Variants in DIP2C observed in about 807,000 individuals in gnomAD.
The protein encoded by DIP2C is DIP2 acetate--CoA ligase C (putative).
Under a neutral mutation model 192.4 loss-of-function variants are expected in DIP2C, and 33 were observed. That is an observed-to-expected ratio of 0.17 (90% confidence interval 0.13 to 0.23). DIP2C has a LOEUF of 0.23. DIP2C is among the 10% of genes least tolerant of loss of function. The probability of loss-of-function intolerance (pLI) is 1.00; values close to 1 mark genes in which losing one functional copy is unlikely to be tolerated. For missense variants in DIP2C, 1,537 were observed against 2,110.1 expected, an observed-to-expected ratio of 0.73 and a Z score of 5.32; for synonymous variants, 979 against 864.1, an observed-to-expected ratio of 1.13 and a Z score of -2.33.
At chr10:588,939 A>ACC (rs1007116294) in intron 1 of DIP2C, among the ~76,000 whole-genome samples, 1 of 152,206 alleles carries the variant, frequency 6.6e-6, no homozygotes, top group African/African-American at 2.4e-5. Flanking sequence ...AGCCGTCTGC[A>ACC]CCATGCTGAA....
At chr10:662,268 A>AAAGG in intron 1 of DIP2C, 2 of 614,514 alleles carry the variant, frequency 3.3e-6, no homozygotes, top group Non-Finnish European at 5.8e-6. Flanking sequence ...TGAGGTACCT[A>AAAGG]TGCACTTTCC....
chr10:311,397 G>T, intron 31 of DIP2C: 1 of 723,472 alleles, frequency 1.4e-6, no homozygotes, highest in Non-Finnish European at 1.9e-6. Flanking sequence ...TGCCCGGCCG[G>T]CAGCACCCAT....
At position 477,892 on chromosome 10, in the gene DIP2C, AAGGAAAAGAGAGGGAAAGAAAAGAC is replaced by A. The variant is rs1461141932; in HGVS notation, c.158-5368_158-5344del. Among the ~76,000 whole-genome samples the A allele has an allele frequency of 4.2e-3, 553 of 132,456 alleles. 3 individuals are homozygous for A. The highest frequency in any genetic ancestry group is 5.0e-3 in the African/African-American group (172 of 34,098). 86.9% of individuals were successfully genotyped at this position (132,456 alleles called of 152,430 possible). ...GAGAGAAGAAAACGAGAGAGAAGAA[AAGGAAAAGAGAGGGAAAGAAAAGAC>A]AGGAAAAGAGAGGGAAAGAAGGAAG... On this transcript the variant is annotated intron_variant, in intron 2 of 36. Coordinates refer to ENST00000280886, the MANE Select transcript of DIP2C (RefSeq NM_014974.3).
At chr10:525,472 C>T (rs1478772382) in intron 1 of DIP2C, among the ~76,000 whole-genome samples, 1 of 152,166 alleles carries the variant, frequency 6.6e-6, no homozygotes, top group Non-Finnish European at 1.5e-5. Flanking sequence ...GCAAAGTCTA[C>T]GGCACTTCTC....
rs181592701 is a variant in DIP2C, at chr10:435,728, G to A, written c.394+5143C>T. 2.0e-3 allele frequency among the ~76,000 whole-genome samples: 298 copies of A among 152,266 alleles called. 1 individual carries two copies. Among genetic ancestry groups the A allele is most frequent in the Middle Eastern group, 0.01 (3 of 294 alleles). ...GACAATTCTCAAGATTATCACGTAT[G>A]GAACCTGAAACTCCCCAACTCCATT... On this transcript the variant is annotated intron_variant, in intron 4 of 36. Transcript: ENST00000280886.
chr10:639,822 C>T (rs1033577817), intron 1 of DIP2C, among the ~76,000 whole-genome samples: 3 of 152,342 alleles, frequency 2.0e-5, no homozygotes, highest in South Asian at 4.1e-4. Context: ...ATCACTAGAA[C>T]GTGTTTTGGA....
chr10:609,914 G>C (rs963917644), intron 1 of DIP2C, among the ~76,000 whole-genome samples: 3 of 152,146 alleles, frequency 2.0e-5, no homozygotes, highest in African/African-American at 7.2e-5. Context: ...GTTCTTCCTA[G>C]TGGAAGCGAG....
intron 31 of DIP2C, among the ~76,000 whole-genome samples, chr10:313,390 A>C (rs1956640940): frequency 6.6e-6 from 1 of 152,252 alleles, no homozygotes; most frequent in Non-Finnish European, 1.5e-5. Flanking sequence ...ATCCAGTTAT[A>C]TAATAAAAAT....
At chr10:536,155 C>T (rs1159553217) in intron 1 of DIP2C, among the ~76,000 whole-genome samples, 1 of 152,242 alleles carries the variant, frequency 6.6e-6, no homozygotes, top group Non-Finnish European at 1.5e-5. Context: ...GGGATCCTTG[C>T]TACCTCCTCC....
intron 17 of DIP2C, chr10:370,133 G>A (rs1960789724): frequency 1.3e-6 from 1 of 773,716 alleles, no homozygotes; most frequent in Non-Finnish European, 1.6e-6. Context: ...CTGGGCGTAT[G>A]CCCAATTTTA....
intron 32 of DIP2C, among the ~76,000 whole-genome samples, chr10:296,535 T>G (rs1332490837): frequency 6.6e-6 from 1 of 152,306 alleles, no homozygotes; most frequent in Middle Eastern, 3.4e-3. Flanking sequence ...ATCCCATTAC[T>G]GGGTATATAC....
rs563024932 is a variant in DIP2C at position 448,321 on chromosome 10, T to C, written c.269-7325A>G. Among the ~76,000 whole-genome samples the C allele has an allele frequency of 3.3e-4, 41 of 122,592 alleles. 1 individual carries two copies. The highest frequency in any genetic ancestry group is 5.1e-4 in the Non-Finnish European group (31 of 60,412). The allele number at this position is 122,592 out of a possible 152,430, so 80.4% of individuals were successfully genotyped here. ...GGGTCAGCAGGACCCACTCACCCCATTGATATTCAGGATCACACACAGTGG... is the reference window on the plus strand; with the variant it reads ...GGGTCAGCAGGACCCACTCACCCCACTGATATTCAGGATCACACACAGTGG... On this transcript the variant is annotated intron_variant, in intron 3 of 36. Transcript: ENST00000280886.
intron 1 of DIP2C, among the ~76,000 whole-genome samples, chr10:674,867 T>G (rs7913152): frequency 5.5e-5 from 8 of 144,492 alleles, no homozygotes; most frequent in Admixed American, 4.8e-4. Flanking sequence ...AAACCCCACT[T>G]TCAGCACTGG....
intron 1 of DIP2C, chr10:649,982 G>A: frequency 1.6e-6 from 1 of 629,236 alleles, no homozygotes; most frequent in South Asian, 1.9e-5. Context: ...TGTAAGCAGT[G>A]TTTGCCGTCC....
Position 283,396 on chromosome 10 carries a change from T to C in DIP2C, c.4170A>G (p.Gly1390=), listed in dbSNP as rs777113194. ...HNASGYFTIY[G]DESLQSDHFN... is the part of the protein sequence containing the mutation. ...AGTGATCTGACTGGAGGGATTCGTCTCCGTAAATAGTGAAATAACCGCTGG... is the reference window on the plus strand; with the variant it reads ...AGTGATCTGACTGGAGGGATTCGTCCCCGTAAATAGTGAAATAACCGCTGG... Residue 1390 remains glycine (G), a synonymous_variant, in exon 35 of 37, where the codon GGA becomes GGG. Transcript: ENST00000280886. The C allele has an allele frequency of 6.2e-7, 1 of 1,614,156 alleles. No homozygotes were observed. The highest frequency in any genetic ancestry group is 8.5e-7 in the Non-Finnish European group (1 of 1,180,022).
chr10:479,328 CTTTTTTTTT>C (rs766379689), intron 2 of DIP2C, among the ~76,000 whole-genome samples: 2 of 88,458 alleles, frequency 2.3e-5, no homozygotes, highest in South Asian at 4.4e-4. Flanking sequence ...TCTCACACTG[CTTTTTTTTT>C]TTTTTTTTTT....
At chr10:593,223 C>G (rs1446557279) in intron 1 of DIP2C, among the ~76,000 whole-genome samples, 1 of 152,116 alleles carries the variant, frequency 6.6e-6, no homozygotes. Flanking sequence ...TCAACATCCC[C>G]CCGGGGTGGT....
chr10:522,963 T>C (rs1268361030), intron 1 of DIP2C, among the ~76,000 whole-genome samples: 4 of 151,242 alleles, frequency 2.6e-5, no homozygotes, highest in African/African-American at 4.9e-5. Flanking sequence ...CGTTCATTTC[T>C]ACCTGACACT....
At chr10:625,121 C>G (rs1854115228) in intron 1 of DIP2C, among the ~76,000 whole-genome samples, 1 of 152,188 alleles carries the variant, frequency 6.6e-6, no homozygotes. Context: ...CCATGCCACC[C>G]TGAATTACAG....
Sources: gnomAD v4.1 joint callset for allele counts (sites outside exome capture counted in the v4.1 genomes callset) on GRCh38, gnomAD v4.1.1 for gene constraint, MANE v1.5 for transcripts, NCBI Gene and HGNC (gene_info 2026-07-23, HGNC 2026-07-21) for gene names.